RPTOR: variants seen among roughly 807,000 people sequenced by gnomAD.
RPTOR encodes the protein regulatory-associated protein of mTOR.
Under a neutral mutation model 169.9 loss-of-function variants are expected in RPTOR, and 21 were observed. The ratio of observed to expected loss-of-function variants is 0.12; its 90% CI spans 0.09 to 0.18. The LOEUF is 0.18. Ranked by LOEUF, RPTOR falls within the 10% of genes least tolerant of loss-of-function variation. RPTOR has a pLI of 1.00. For synonymous variants in RPTOR, 732 were observed against 753.2 expected, an observed-to-expected ratio of 0.97 and a Z score of 0.46; for missense variants, 1,133 against 1,855.9, an observed-to-expected ratio of 0.61 and a Z score of 7.16.
intron 21 of RPTOR, among the ~76,000 whole-genome samples, chr17:80,913,027 C>CGT (rs147211870): frequency 6.6e-6 from 1 of 151,782 alleles, no homozygotes; most frequent in Non-Finnish European, 1.5e-5. Flanking sequence ...TGTGTGCACG[C>CGT]GTGTGTGTGT....
chr17:80,752,157 G>C (rs942028318), intron 5 of RPTOR, among the ~76,000 whole-genome samples: 2 of 152,216 alleles, frequency 1.3e-5, no homozygotes, highest in Non-Finnish European at 2.9e-5. Flanking sequence ...AGCCTGTGGT[G>C]TGTTCTTCTT....
intron 6 of RPTOR, chr17:80,774,156 G>C (rs558924586): frequency 1.0e-6 from 1 of 985,422 alleles, no homozygotes; most frequent in East Asian, 1.1e-4. Context: ...GACATCCTGA[G>C]AAAGCGGGGA....
At chr17:80,910,842 C>CTTTTTTTTTT (rs11351495) in intron 21 of RPTOR, among the ~76,000 whole-genome samples, 5 of 137,776 alleles carry the variant, frequency 3.6e-5, no homozygotes, top group Non-Finnish European at 1.6e-5. Flanking sequence ...TTCTTCAGTT[C>CTTTTTTTTTT]TTTTTTTTTT....
Position 80,952,896 on chromosome 17 carries a change from G to T in RPTOR, c.3370+3349G>T, listed in dbSNP as rs1463503575. Among the ~76,000 whole-genome samples the T allele has an allele frequency of 3.9e-5, 5 of 127,386 alleles. No individual in the cohort carries two copies. The South Asian group carries it at 1.2e-3, about 30-fold the overall frequency. The allele number at this position is 127,386 out of a possible 152,430, so 83.6% of individuals were successfully genotyped here. On this transcript the variant is annotated intron_variant, in intron 28 of 33. Coordinates refer to ENST00000306801, the MANE Select transcript of RPTOR (RefSeq NM_020761.3). ...TTTTTTTTTTTTGAGGTGGAGTCTC[G>T]CTCTGTTGCCCAGGCTGGAGTGCAG... is the stretch of plus-strand genomic sequence containing the variant.
At chr17:80,961,196 CAG>C (rs1491393184) in intron 30 of RPTOR, among the ~76,000 whole-genome samples, 196 bp from the exon 31 acceptor site, 29 of 152,336 alleles carry the variant, frequency 1.9e-4, no homozygotes, top group Middle Eastern at 6.8e-3. Flanking sequence ...GGGGAGGACA[CAG>C]GGGGTCTCTG....
Position 80,754,729 on chromosome 17 carries a change from G to A in RPTOR, c.830+544G>A, listed in dbSNP as rs896451184. On this transcript the variant is annotated intron_variant, in intron 6 of 33. Transcript: ENST00000306801. The surrounding 1 kb of genome is among the most constrained non-coding windows in gnomAD (Gnocchi z 4.2). Reference sequence around the variant, plus strand: ...TCAGCCCCAACATCCCCAGCAGAACGCACAGTGGGATATGTGTGTTTCCTG... The same window carrying A: ...TCAGCCCCAACATCCCCAGCAGAACACACAGTGGGATATGTGTGTTTCCTG... 1.3e-5 allele frequency among the ~76,000 whole-genome samples: 2 copies of A among 152,138 alleles called. No individual in the cohort carries two copies. The highest frequency in any genetic ancestry group is 2.4e-5 in the African/African-American group (1 of 41,424).
intron 1 of RPTOR, among the ~76,000 whole-genome samples, chr17:80,621,670 G>A (rs2065355774): frequency 6.6e-6 from 1 of 152,230 alleles, no homozygotes; most frequent in South Asian, 2.1e-4. Flanking sequence ...TGTGGTGAAG[G>A]ATGAAGTGGA....
chr17:80,652,716 A>G (rs1295390337), intron 3 of RPTOR, among the ~76,000 whole-genome samples: 1 of 152,154 alleles, frequency 6.6e-6, no homozygotes, highest in Non-Finnish European at 1.5e-5. Flanking sequence ...CGCTATGAAT[A>G]TGTGCATGCT....
At chr17:80,905,211 T>A (rs1442739561) in intron 20 of RPTOR, among the ~76,000 whole-genome samples, 1 of 152,198 alleles carries the variant, frequency 6.6e-6, no homozygotes, top group Non-Finnish European at 1.5e-5. Context: ...CTTTTTGTTT[T>A]GTTTTCAAAT....
intron 2 of RPTOR, 36 bp downstream of exon 2, chr17:80,625,829 C>G: frequency 2.0e-6 from 3 of 1,478,338 alleles, no homozygotes; most frequent in Non-Finnish European, 2.8e-6. Flanking sequence ...CCACAAAGGC[C>G]GTCTGGCCGG....
chr17:80,783,345 A>T (rs191544228), intron 6 of RPTOR, among the ~76,000 whole-genome samples: 1 of 152,166 alleles, frequency 6.6e-6, no homozygotes. Context: ...AGTTGAGAGG[A>T]TGATAAAGTG....
At chr17:80,673,943 C>A (rs190090307) in intron 3 of RPTOR, among the ~76,000 whole-genome samples, 26 of 152,312 alleles carry the variant, frequency 1.7e-4, no homozygotes, top group Non-Finnish European at 2.8e-4. Context: ...TGAAGTCTTG[C>A]CTTGCAAATT....
chr17:80,553,157 G>T (rs1403443341), intron 1 of RPTOR, among the ~76,000 whole-genome samples: 1 of 152,216 alleles, frequency 6.6e-6, no homozygotes, highest in African/African-American at 2.4e-5. Context: ...GAATGTCCTT[G>T]CTAATAAAGC....
At position 80,951,003 on chromosome 17, in the gene RPTOR, G is replaced by A. The variant is rs554586922; in HGVS notation, c.3370+1456G>A. Reference sequence around the variant, plus strand: ...TCCCTGTCCAAGGCTCGGACCTGCCGGAAATGCAGTGCTGGAAGGACACAC... The same window carrying A: ...TCCCTGTCCAAGGCTCGGACCTGCCAGAAATGCAGTGCTGGAAGGACACAC... On this transcript the variant is annotated intron_variant, in intron 28 of 33. Transcript: ENST00000306801. Among the ~76,000 whole-genome samples, 4 of 152,270 alleles carry A rather than the reference G, an allele frequency of 2.6e-5. No individual in the cohort carries two copies. In the East Asian group the frequency reaches 5.8e-4, roughly 22 times the overall value.
intron 7 of RPTOR, among the ~76,000 whole-genome samples, chr17:80,793,604 GT>G (rs2067071734): frequency 6.6e-6 from 1 of 152,140 alleles, no homozygotes; most frequent in Admixed American, 6.5e-5. Context: ...GATGGCTGCT[GT>G]GTGCTGTCCC....
chr17:80,724,183 G>C (rs1449476406), intron 4 of RPTOR, among the ~76,000 whole-genome samples: 3 of 151,236 alleles, frequency 2.0e-5, no homozygotes, highest in African/African-American at 7.4e-5. Flanking sequence ...AAGGAGAGGT[G>C]AATACAAATG....
At chr17:80,834,204 G>A (rs1485889028) in intron 9 of RPTOR, among the ~76,000 whole-genome samples, 2 of 152,222 alleles carry the variant, frequency 1.3e-5, no homozygotes, top group East Asian at 1.9e-4. Flanking sequence ...GGCCCAGGCC[G>A]AGCTGTGGCT....
intron 2 of RPTOR, among the ~76,000 whole-genome samples, chr17:80,641,598 C>T (rs1288627079): frequency 4.6e-5 from 7 of 152,174 alleles, no homozygotes; most frequent in Admixed American, 1.3e-4. Context: ...GCTACATGAA[C>T]GTTTTGGTGT....
At chr17:80,775,478 G>A (rs917328142) in intron 6 of RPTOR, among the ~76,000 whole-genome samples, 5 of 152,278 alleles carry the variant, frequency 3.3e-5, no homozygotes, top group South Asian at 2.1e-4. Flanking sequence ...ATGCTTCAGG[G>A]GGTAGCTGAG....
Sources: gnomAD v4.1 joint callset for allele counts (sites outside exome capture counted in the v4.1 genomes callset) on GRCh38, gnomAD v4.1.1 for gene constraint, Gnocchi (gnomAD v3.1) non-coding constraint, MANE v1.5 for transcripts, NCBI Gene and HGNC (gene_info 2026-07-23, HGNC 2026-07-21) for gene names.